SORCS2: variants seen among roughly 807,000 people sequenced by gnomAD.
The protein encoded by SORCS2 is VPS10 domain-containing receptor SorCS2.
In SORCS2, 100 loss-of-function variants were observed where a neutral mutation model predicts 141.6. That is an observed-to-expected ratio of 0.71 (90% CI 0.60 to 0.83). SORCS2 has a LOEUF of 0.83. SORCS2 is among the 40% of genes least tolerant of loss of function. The probability of loss-of-function intolerance (pLI) is 0.00; values close to 1 mark genes in which losing one functional copy is unlikely to be tolerated. For synonymous variants in SORCS2, 789 were observed against 676.9 expected (o/e 1.17, Z -2.57); for missense variants, 1,646 against 1,560.2 (o/e 1.05, Z -0.93).
intron 14 of SORCS2, 69 bp downstream of exon 14, chr4:7,704,353 C>A: frequency 7.3e-7 from 1 of 1,361,726 alleles, no homozygotes; most frequent in Non-Finnish European, 1.0e-6. Context: ...CCTGGGCCTA[C>A]TGTGTCCTTC....
intron 1 of SORCS2, among the ~76,000 whole-genome samples, chr4:7,230,999 T>TATATCCATATCC (rs138295412): frequency 0.01 from 1,525 of 151,438 alleles, 20 homozygotes; most frequent in African/African-American, 0.031. Flanking sequence ...TATCTGTATC[T>TATATCCATATCC]ATATCCATAT....
At chr4:7,488,907 T>C (rs1390351976) in intron 2 of SORCS2, among the ~76,000 whole-genome samples, 1 of 152,236 alleles carries the variant, frequency 6.6e-6, no homozygotes, top group Non-Finnish European at 1.5e-5. Flanking sequence ...AGTCCCCCTG[T>C]GCCATTTGAC....
chr4:7,192,596 C>A lies in SORCS2; in HGVS notation c.-51C>A. ...GCCCTCCTGCTCTCCCGGCCGCGGT[C>A]CCCTCGTCCGCGCCGCCCCGCCGCC... On this transcript the variant is annotated 5_prime_UTR_variant, in exon 1 of 27. Transcript: ENST00000507866. The surrounding 1 kb of genome is among the most constrained non-coding windows in gnomAD (Gnocchi z 4.0). 2.0e-6 allele frequency: 2 copies of A among 987,244 alleles called. No homozygotes were observed. Among genetic ancestry groups the A allele is most frequent in the South Asian group, 4.5e-5 (1 of 22,074 alleles). The allele number at this position is 987,244 out of a possible 1,614,324, so 61.2% of individuals were successfully genotyped here.
chr4:7,197,799 C>CA (rs1475841837), intron 1 of SORCS2, among the ~76,000 whole-genome samples: 2 of 152,212 alleles, frequency 1.3e-5, no homozygotes, highest in African/African-American at 4.8e-5. Context: ...GTGGACATTG[C>CA]AATTGAGCTT....
chr4:7,612,256 G>C (rs1315145315), intron 3 of SORCS2, among the ~76,000 whole-genome samples: 1 of 152,182 alleles, frequency 6.6e-6, no homozygotes, highest in Non-Finnish European at 1.5e-5. Context: ...TGGCTTTTGG[G>C]AGGTCACAGG....
intron 1 of SORCS2, among the ~76,000 whole-genome samples, chr4:7,375,598 A>G (rs1722588396): frequency 6.6e-6 from 1 of 152,220 alleles, no homozygotes; most frequent in African/African-American, 2.4e-5. Flanking sequence ...TGCATGGAGG[A>G]ACATCTGAGT....
intron 1 of SORCS2, among the ~76,000 whole-genome samples, chr4:7,194,955 T>C (rs1373739487): frequency 6.6e-6 from 1 of 152,028 alleles, no homozygotes; most frequent in Non-Finnish European, 1.5e-5. Flanking sequence ...TGTGAGGGGA[T>C]AGGCTGACAT....
At chr4:7,614,643 A>G (rs184942828) in intron 3 of SORCS2, among the ~76,000 whole-genome samples, 67 of 149,566 alleles carry the variant, frequency 4.5e-4, no homozygotes, top group Admixed American at 9.9e-4. Flanking sequence ...CCATTTATCC[A>G]TCCACCTATC....
chr4:7,571,827 A>G (rs951893523), intron 3 of SORCS2, among the ~76,000 whole-genome samples: 6 of 152,196 alleles, frequency 3.9e-5, no homozygotes, highest in Non-Finnish European at 8.8e-5. Flanking sequence ...GAAAAAGGAC[A>G]AACACATCCC....
At chr4:7,255,243 T>C (rs1249078575) in intron 1 of SORCS2, among the ~76,000 whole-genome samples, 1 of 151,952 alleles carries the variant, frequency 6.6e-6, no homozygotes, top group Non-Finnish European at 1.5e-5. Flanking sequence ...CCGGGCAGTT[T>C]CCGTGGGCCT....
intron 2 of SORCS2, among the ~76,000 whole-genome samples, chr4:7,514,231 C>T (rs534544555): frequency 7.2e-4 from 109 of 152,208 alleles, no homozygotes; most frequent in Non-Finnish European, 9.7e-4. Flanking sequence ...AGGGTTGCTG[C>T]GTACAGCATC....
intron 1 of SORCS2, among the ~76,000 whole-genome samples, chr4:7,354,401 A>G (rs1721127124): frequency 6.6e-6 from 1 of 151,764 alleles, no homozygotes; most frequent in Non-Finnish European, 1.5e-5. Context: ...CCCCCAAGAA[A>G]GACCCCCCAC....
intron 2 of SORCS2, among the ~76,000 whole-genome samples, chr4:7,521,086 C>T (rs577702037): frequency 2.6e-4 from 39 of 151,998 alleles, no homozygotes; most frequent in Admixed American, 7.2e-4. Flanking sequence ...TCCTGGTCAG[C>T]GAAATGGGAA....
At chr4:7,667,237 G>T (rs373245343) in intron 8 of SORCS2, 24 bp downstream of exon 8, 12 of 1,608,296 alleles carry the variant, frequency 7.5e-6, no homozygotes, top group Non-Finnish European at 9.4e-6. Context: ...CATTCCGCCT[G>T]GTCCTGTGGC....
chr4:7,229,335 C>T (rs1711652840), intron 1 of SORCS2, among the ~76,000 whole-genome samples: 1 of 152,084 alleles, frequency 6.6e-6, no homozygotes, highest in Non-Finnish European at 1.5e-5. Context: ...GACAGGAGCC[C>T]CTCTCCCTGG....
chr4:7,591,805 G>C (rs189990435), intron 3 of SORCS2, among the ~76,000 whole-genome samples: 1 of 152,196 alleles, frequency 6.6e-6, no homozygotes, highest in Non-Finnish European at 1.5e-5. Context: ...GTCGTCAGGG[G>C]TGCCCGCCGC....
At chr4:7,433,801 C>T in intron 2 of SORCS2, 1 of 1,613,706 alleles carries the variant, frequency 6.2e-7, no homozygotes, top group Non-Finnish European at 8.5e-7. Flanking sequence ...GATGAACTTG[C>T]ACACCTTCTC....
At chr4:7,574,252 G>C (rs956692152) in intron 3 of SORCS2, among the ~76,000 whole-genome samples, 1 of 152,234 alleles carries the variant, frequency 6.6e-6, no homozygotes, top group African/African-American at 2.4e-5. Context: ...GGTGCAGCGA[G>C]GGTGTGGTCC....
intron 3 of SORCS2, among the ~76,000 whole-genome samples, chr4:7,618,053 G>A (rs1718885659): frequency 6.6e-6 from 1 of 151,870 alleles, no homozygotes; most frequent in Non-Finnish European, 1.5e-5. Flanking sequence ...CCCAATCAAA[G>A]TCCAAACTCA....
Sources: allele counts gnomAD v4.1 joint callset (sites outside exome capture counted in the v4.1 genomes callset), GRCh38; gene constraint gnomAD v4.1.1; non-coding constraint Gnocchi (gnomAD v3.1); transcripts MANE v1.5; gene names NCBI Gene and HGNC (gene_info 2026-07-23, HGNC 2026-07-21).